Variants in P2RX7 observed in about 807,000 individuals in gnomAD.
P2RX7 encodes P2X purinoceptor 7.
P2RX7 carries 62 observed loss-of-function variants against 71.6 expected under a neutral mutation model. The observed-to-expected ratio is 0.87, with a 90% CI of 0.71 to 1.07. The LOEUF is 1.07. Among genes scored for constraint, P2RX7 ranks in the 50% least tolerant of loss-of-function variants. The pLI is 0.00. For missense variants in P2RX7, 686 were observed against 748.5 expected (o/e 0.92, Z 0.97); for synonymous variants, 299 against 283.3 (o/e 1.06, Z -0.56).
rs746356489 is a variant in P2RX7 at position 121,174,742 on chromosome 12, GT to G, written c.882-634del. 2.7e-4 allele frequency among the ~76,000 whole-genome samples: 39 copies of G among 146,826 alleles called. 1 individual carries two copies. The highest frequency in any genetic ancestry group is 1.3e-3 in the South Asian group (6 of 4,628). On this transcript the variant is annotated intron_variant, in intron 8 of 12. Transcript: ENST00000328963. Reference sequence around the variant, plus strand: ...TTAAGGAATAGTCATATTGCTTGAAGTTTTTTTTTTTTAATTTCTCTGCTTG... The same window carrying G: ...TTAAGGAATAGTCATATTGCTTGAAGTTTTTTTTTTTAATTTCTCTGCTTG...
At chr12:121,162,275 G>A in intron 4 of P2RX7, 149 bp from the exon 5 acceptor site, 1 of 1,442,388 alleles carries the variant, frequency 6.9e-7, no homozygotes, top group East Asian at 2.5e-5. Flanking sequence ...GGTTAGGATG[G>A]GCTTGATGGA....
At chr12:121,163,358 G>GCACACACACACA (rs1352653146) in intron 5 of P2RX7, among the ~76,000 whole-genome samples, 1 of 100,430 alleles carries the variant, frequency 1.0e-5, no homozygotes, top group African/African-American at 2.9e-5. Flanking sequence ...ACACACACAC[G>GCACACACACACA]CACACACACA....
In P2RX7 at chr12:121,185,124, T is replaced by G. The variant is rs919540255; in HGVS notation, c.*322T>G. The G allele has an allele frequency of 1.4e-5, 3 of 214,368 alleles. No individual in the cohort carries two copies. 13.3% of individuals were successfully genotyped at this position (214,368 alleles called of 1,614,324 possible). On this transcript the variant is annotated 3_prime_UTR_variant, in exon 13 of 13. Transcript: ENST00000328963. ...TCCTTACCAATAGCAGGGGCTGCAG[T>G]AGCCATGTTAACATGACATTTACCA...
At chr12:121,161,044 C>G in intron 4 of P2RX7, 70 bp downstream of exon 4, 2 of 1,157,686 alleles carry the variant, frequency 1.7e-6, no homozygotes, top group South Asian at 2.4e-5. Context: ...TTTGTGATGC[C>G]CAGGTCAGGT....
At position 121,156,530 on chromosome 12, in the gene P2RX7, A is replaced by G. The variant is rs566533367; in HGVS notation, c.363+383A>G. ...CTTTAGGAGAAAAATGGCATTTTAC[A>G]AACCAGAACACAGATTCAGAGATGT... On this transcript the variant is annotated intron_variant, in intron 3 of 12. Coordinates refer to ENST00000328963, the MANE Select transcript of P2RX7 (RefSeq NM_002562.6). Among the ~76,000 whole-genome samples the G allele has an allele frequency of 2.0e-5, 3 of 152,330 alleles. No individual in the cohort carries two copies. The South Asian group carries it at 6.2e-4, about 32-fold the overall frequency.
chr12:121,137,602 G>A (rs889698262), intron 1 of P2RX7, among the ~76,000 whole-genome samples: 3 of 152,140 alleles, frequency 2.0e-5, no homozygotes, highest in African/African-American at 4.8e-5. Flanking sequence ...ATCTATTAAC[G>A]TCTCACTAAA....
Position 121,184,868 on chromosome 12 carries a change from T to A in P2RX7, c.*66T>A. 1 of 1,317,260 alleles carries A rather than the reference T, an allele frequency of 7.6e-7. No homozygotes were observed. The allele number at this position is 1,317,260 out of a possible 1,614,324, so 81.6% of individuals were successfully genotyped here. On this transcript the variant is annotated 3_prime_UTR_variant, in exon 13 of 13. Coordinates refer to ENST00000328963, the MANE Select transcript of P2RX7 (RefSeq NM_002562.6). ...GGGAGGCCGAGGCAGGCAGATCACC[T>A]GAGGTCGGGAGTTGGAGACCCGCCT...
At chr12:121,158,984 G>C (rs947857289) in intron 3 of P2RX7, among the ~76,000 whole-genome samples, 3 of 152,180 alleles carry the variant, frequency 2.0e-5, no homozygotes, top group Non-Finnish European at 4.4e-5. Context: ...GGAGACCAAC[G>C]GCATGCCATG....
chr12:121,184,539 A>G lies in P2RX7; in HGVS notation c.1525A>G (p.Thr509Ala). ...GAAAAAGCCGGGGGCCTGCATCACC[A>G]CCTCAGAGCTGTTCAGGAAGCTGGT... ...CRKKPGACIT[T>A]SELFRKLVLS... is the part of the protein sequence containing the mutation. The change falls in exon 13 of 13, where the codon ACC (threonine) becomes GCC (alanine). Residue 509 changes from threonine (T) to alanine (A), a missense_variant. Coordinates refer to ENST00000328963, the MANE Select transcript of P2RX7 (RefSeq NM_002562.6). The G allele has an allele frequency of 6.2e-7, 1 of 1,614,104 alleles. No individual in the cohort carries two copies. The highest frequency in any genetic ancestry group is 8.5e-7 in the Non-Finnish European group (1 of 1,180,008).
intron 3 of P2RX7, among the ~76,000 whole-genome samples, chr12:121,156,909 T>C (rs548121567): frequency 6.6e-6 from 1 of 152,296 alleles, no homozygotes; most frequent in Admixed American, 6.5e-5. Context: ...ATCTCAGCAC[T>C]TTGGGAGGCC....
chr12:121,155,308 G>A (rs1325807923), intron 2 of P2RX7: 1 of 1,311,378 alleles, frequency 7.6e-7, no homozygotes, highest in Non-Finnish European at 1.0e-6. Flanking sequence ...TTCTACCAAA[G>A]AGCACCAGCC....
intron 1 of P2RX7, among the ~76,000 whole-genome samples, chr12:121,134,451 G>A (rs1028725896): frequency 6.6e-6 from 1 of 152,122 alleles, no homozygotes; most frequent in African/African-American, 2.4e-5. Context: ...GAGTGCAGTG[G>A]CGCAATCTTG....
At chr12:121,140,638 C>G (rs1284584727) in intron 1 of P2RX7, among the ~76,000 whole-genome samples, 1 of 152,098 alleles carries the variant, frequency 6.6e-6, no homozygotes, top group Non-Finnish European at 1.5e-5. Flanking sequence ...CTTTTACCAA[C>G]CTGAAGAAGA....
intron 3 of P2RX7, 140 bp from the exon 4 acceptor site, chr12:121,160,762 G>A (rs1794887): frequency 0.083 from 61,549 of 739,318 alleles, 3,029 homozygotes; most frequent in African/African-American, 0.17. Context: ...GGCCACTTGC[G>A]TGGTTTCCAC....
Position 121,156,106 on chromosome 12 carries a change from T to C in P2RX7, c.322T>C (p.Phe108Leu), listed in dbSNP as rs748500831. The C allele has an allele frequency of 2.5e-6, 4 of 1,614,178 alleles. No homozygotes were observed. The highest frequency in any genetic ancestry group is 3.4e-6 in the Non-Finnish European group (4 of 1,180,006). The change falls in exon 3 of 13, where the codon TTT (phenylalanine) becomes CTT (leucine). Residue 108 changes from phenylalanine to leucine, a missense_variant. Coordinates refer to ENST00000328963, the MANE Select transcript of P2RX7 (RefSeq NM_002562.6). ...QGNSFFVMTN[F>L]LKTEGQEQRL... is the part of the protein sequence containing the mutation. ...GAACTCTTTCTTCGTGATGACAAAC[T>C]TTCTCAAAACAGAAGGCCAAGAGCA...
At chr12:121,155,800 A>AC in intron 2 of P2RX7, among the ~76,000 whole-genome samples, 2 of 151,040 alleles carry the variant, frequency 1.3e-5, no homozygotes, top group East Asian at 3.9e-4. Flanking sequence ...CGTAAAAAAA[A>AC]AACAAAAACA....
chr12:121,152,087 C>T (rs1478498024), intron 1 of P2RX7, among the ~76,000 whole-genome samples: 2 of 152,062 alleles, frequency 1.3e-5, no homozygotes, highest in African/African-American at 4.8e-5. Flanking sequence ...TCAAAGGATT[C>T]TCCTGCCTCA....
chr12:121,135,234 G>C (rs1307677989), intron 1 of P2RX7, among the ~76,000 whole-genome samples: 1 of 152,086 alleles, frequency 6.6e-6, no homozygotes, highest in Admixed American at 6.6e-5. Context: ...AGCTACTAGG[G>C]AGGCTGAGGC....
intron 1 of P2RX7, among the ~76,000 whole-genome samples, chr12:121,152,161 A>G (rs371877930): frequency 1.3e-5 from 2 of 151,824 alleles, no homozygotes; most frequent in South Asian, 2.1e-4. Context: ...TTGTATTTTT[A>G]GTAGAGAGAG....
Sources: allele counts gnomAD v4.1 joint callset (sites outside exome capture counted in the v4.1 genomes callset), GRCh38; gene constraint gnomAD v4.1.1; transcripts MANE v1.5; gene names NCBI Gene and HGNC (gene_info 2026-07-23, HGNC 2026-07-21).